The following TMCC1 variants were observed in gnomAD, a reference collection of about 807,000 sequenced individuals.
TMCC1 encodes the protein transmembrane and coiled-coil domains protein 1.
Under a neutral mutation model 52.4 loss-of-function variants are expected in TMCC1, and 15 were observed. That is an observed-to-expected ratio of 0.29 (90% confidence interval 0.19 to 0.44). TMCC1 has a LOEUF of 0.44. Among genes scored for constraint, TMCC1 ranks in the 20% least tolerant of loss-of-function variants. TMCC1 has a pLI of 1.00. For missense variants in TMCC1, 503 were observed against 806.0 expected, an observed-to-expected ratio of 0.62 and a Z score of 4.55; for synonymous variants, 279 against 301.9, an observed-to-expected ratio of 0.92 and a Z score of 0.79.
At chr3:129,694,602 C>G (rs551539884) in intron 4 of TMCC1, among the ~76,000 whole-genome samples, 1 of 152,280 alleles carries the variant, frequency 6.6e-6, no homozygotes, top group Non-Finnish European at 1.5e-5. Flanking sequence ...CCACTGAAAC[C>G]AAGATGGCGA....
chr3:129,828,075 G>C lies in TMCC1; in HGVS notation c.304C>G (p.Leu102Val), dbSNP rs1322777635. ...CGAATCTGCTGCAGGACACGATTCA[G>C]AGCTGTGGGGTGGGTGGGGACACCA... ...IDGVPTHPTA[L>V]NRVLQQIRVP... Residue 102 changes from leucine to valine, a missense_variant, in exon 4 of 7, where the codon CTG becomes GTG. Leu to Val is a conservative substitution (Grantham distance 32). Transcript: ENST00000393238. This position sits in a 1 kb window ranked among gnomAD's most constrained non-coding sequence, Gnocchi z 4.1. 1 of 1,614,188 alleles carries C rather than the reference G, an allele frequency of 6.2e-7. No individual in the cohort carries two copies. The highest frequency in any genetic ancestry group is 1.1e-5 in the South Asian group (1 of 91,078).
rs2059985449 is a variant in TMCC1 at position 129,853,017 on chromosome 3, GA to G, written c.-183-20192del. ...TCCTTAATTATTTGCCAACACACAA[GA>G]AACATGGGCAAGGAAACAGCATTTC... On this transcript the variant is annotated intron_variant, in intron 2 of 6. Coordinates refer to ENST00000393238, the MANE Select transcript of TMCC1 (RefSeq NM_001017395.5). Among the ~76,000 whole-genome samples, 3 of 152,118 alleles carry G rather than the reference GA, an allele frequency of 2.0e-5. 1 individual carries two copies. In the South Asian group the frequency reaches 6.2e-4, roughly 31 times the overall value.
chr3:129,692,615 T>C (rs537353972), intron 4 of TMCC1, among the ~76,000 whole-genome samples: 100 of 152,328 alleles, frequency 6.6e-4, no homozygotes, highest in African/African-American at 2.2e-3. Flanking sequence ...TTTACTAGTC[T>C]GCTAAGATGC....
At chr3:129,814,900 T>C (rs941483832) in intron 4 of TMCC1, among the ~76,000 whole-genome samples, 2 of 152,124 alleles carry the variant, frequency 1.3e-5, no homozygotes, top group Non-Finnish European at 2.9e-5. Context: ...CCCAAGTACA[T>C]GAGGCAAACA....
intron 4 of TMCC1, among the ~76,000 whole-genome samples, chr3:129,706,286 C>T (rs572178701): frequency 6.6e-6 from 1 of 151,756 alleles, no homozygotes; most frequent in South Asian, 2.1e-4. Context: ...TTACTGCAAC[C>T]TCCGCCTCCT....
chr3:129,651,450 A>G lies in TMCC1; in HGVS notation c.*31T>C, dbSNP rs1279924467. ...ACTCTCTGCTGCATGCACTCGCCAG[A>G]GGGTAGGGAACAATGCCTTCTGTGC... On this transcript the variant is annotated 3_prime_UTR_variant, in exon 7 of 7. Coordinates refer to ENST00000393238, the MANE Select transcript of TMCC1 (RefSeq NM_001017395.5). The surrounding 1 kb of genome is among the most constrained non-coding windows in gnomAD (Gnocchi z 5.1). 4.4e-6 allele frequency: 7 copies of G among 1,594,534 alleles called. No homozygotes were observed. The highest frequency in any genetic ancestry group is 1.7e-5 in the Admixed American group (1 of 58,842).
chr3:129,850,448 T>C (rs1407100644), intron 2 of TMCC1, among the ~76,000 whole-genome samples: 2 of 152,164 alleles, frequency 1.3e-5, no homozygotes, highest in Non-Finnish European at 2.9e-5. Flanking sequence ...GCATCCAAAA[T>C]ATTAGAATTT....
intron 2 of TMCC1, among the ~76,000 whole-genome samples, chr3:129,839,251 C>T (rs903872857): frequency 1.2e-4 from 18 of 152,002 alleles, no homozygotes; most frequent in African/African-American, 4.3e-4. Flanking sequence ...AAACGCTTAA[C>T]AACAATGGCA....
intron 2 of TMCC1, among the ~76,000 whole-genome samples, chr3:129,837,521 A>AAGT (rs2059216784): frequency 6.6e-6 from 1 of 152,208 alleles, no homozygotes; most frequent in African/African-American, 2.4e-5. Context: ...ACAAATCTCC[A>AAGT]CCCTAAAGGA....
At chr3:129,662,005 T>A (rs1213799125) in intron 5 of TMCC1, among the ~76,000 whole-genome samples, 1 of 152,162 alleles carries the variant, frequency 6.6e-6, no homozygotes, top group Non-Finnish European at 1.5e-5. Flanking sequence ...TATCTTCTCA[T>A]TAAATATTAA....
chr3:129,883,266 C>G (rs144739983), intron 1 of TMCC1, among the ~76,000 whole-genome samples: 96 of 151,816 alleles, frequency 6.3e-4, no homozygotes, highest in Admixed American at 1.9e-3. Context: ...GAGCTGAGAT[C>G]GCACCACTGC....
At chr3:129,797,833 C>A (rs2056937502) in intron 4 of TMCC1, among the ~76,000 whole-genome samples, 1 of 152,106 alleles carries the variant, frequency 6.6e-6, no homozygotes, top group Non-Finnish European at 1.5e-5. Flanking sequence ...TGTAAACTTC[C>A]AAAGCTAAAA....
At chr3:129,881,174 A>T (rs186823811) in intron 1 of TMCC1, among the ~76,000 whole-genome samples, 66 of 152,242 alleles carry the variant, frequency 4.3e-4, no homozygotes, top group African/African-American at 1.6e-3. Flanking sequence ...AAAATTTTTT[A>T]AATTAACATT....
chr3:129,654,960 A>T lies in TMCC1; in HGVS notation c.1647+8T>A. 1 of 1,612,544 alleles carries T rather than the reference A, an allele frequency of 6.2e-7. No homozygotes were observed. Among genetic ancestry groups the T allele is most frequent in the East Asian group, 2.2e-5 (1 of 44,818 alleles). On this transcript the variant is annotated splice_region_variant and intron_variant, in intron 6 of 6. Coordinates refer to ENST00000393238, the MANE Select transcript of TMCC1 (RefSeq NM_001017395.5). Reference sequence around the variant, plus strand: ...ATTTTGCATTTACACCTTTTCCTTCATACTAACCTGGATGTCCCGGGCCCG... The same window carrying T: ...ATTTTGCATTTACACCTTTTCCTTCTTACTAACCTGGATGTCCCGGGCCCG...
At chr3:129,799,104 G>A (rs182841274) in intron 4 of TMCC1, among the ~76,000 whole-genome samples, 40 of 152,322 alleles carry the variant, frequency 2.6e-4, no homozygotes, top group African/African-American at 8.9e-4. Context: ...AAAAATTTGA[G>A]TACCATATAC....
At chr3:129,717,566 C>G (rs765805625) in intron 4 of TMCC1, among the ~76,000 whole-genome samples, 29 of 152,186 alleles carry the variant, frequency 1.9e-4, no homozygotes, top group Non-Finnish European at 3.5e-4. Context: ...AACTCCAGCA[C>G]TTTCCCACAA....
chr3:129,730,108 T>C (rs147940247), intron 4 of TMCC1, among the ~76,000 whole-genome samples: 1 of 152,148 alleles, frequency 6.6e-6, no homozygotes, highest in East Asian at 1.9e-4. Flanking sequence ...TTTGCACCAT[T>C]GTAAAGTCAA....
chr3:129,688,824 C>T (rs980944467), intron 4 of TMCC1: 79 of 857,954 alleles, frequency 9.2e-5, no homozygotes, highest in Admixed American at 2.5e-4. Flanking sequence ...AAAAGCACCA[C>T]ACTGGTTGGA....
chr3:129,696,375 A>C (rs2047418631), intron 4 of TMCC1, among the ~76,000 whole-genome samples: 1 of 152,220 alleles, frequency 6.6e-6, no homozygotes, highest in Non-Finnish European at 1.5e-5. Context: ...GGACCAAACC[A>C]ATGTATTTCT....
Sources: allele counts gnomAD v4.1 joint callset (sites outside exome capture counted in the v4.1 genomes callset), GRCh38; gene constraint gnomAD v4.1.1; non-coding constraint Gnocchi (gnomAD v3.1); transcripts MANE v1.5; gene names NCBI Gene and HGNC (gene_info 2026-07-23, HGNC 2026-07-21).